The following TRPM6 variants were observed in gnomAD, a reference collection of about 807,000 sequenced individuals.
The protein encoded by TRPM6 is transient receptor potential cation channel subfamily M member 6.
In TRPM6, 111 loss-of-function variants were observed where a neutral mutation model predicts 247.6. The ratio of observed to expected loss-of-function variants is 0.45; its 90% CI spans 0.38 to 0.52. TRPM6 has a LOEUF of 0.52. Among genes scored for constraint, TRPM6 ranks in the 20% least tolerant of loss-of-function variants. TRPM6 has a pLI of 0.00. For synonymous variants in TRPM6, 892 were observed against 853.8 expected (o/e 1.04, Z -0.78); for missense variants, 2,126 against 2,421.5 (o/e 0.88, Z 2.56).
At chr9:74,735,213 A>G (rs974342993) in intron 36 of TRPM6, among the ~76,000 whole-genome samples, 1 of 150,472 alleles carries the variant, frequency 6.6e-6, no homozygotes, top group African/African-American at 2.5e-5. Flanking sequence ...ACACAGTGAG[A>G]CCTTGTCTCA....
chr9:74,820,236 A>G (rs1274309593), intron 9 of TRPM6, 68 bp downstream of exon 9: 1 of 1,552,236 alleles, frequency 6.4e-7, no homozygotes, highest in African/African-American at 1.4e-5. Context: ...AATTGTGAAA[A>G]TAAATATTAC....
intron 31 of TRPM6, 57 bp downstream of exon 31, chr9:74,747,832 C>A (rs1466718745): frequency 2.9e-6 from 4 of 1,388,570 alleles, no homozygotes; most frequent in African/African-American, 1.4e-5. Context: ...GGACAGTGAA[C>A]CTCGCATTAA....
intron 5 of TRPM6, 119 bp downstream of exon 5, chr9:74,839,905 G>GGAGAGAGGGAGGGAGA (rs1554723344): frequency 2.0e-6 from 1 of 492,166 alleles, no homozygotes; most frequent in African/African-American, 3.8e-5. Context: ...AGGGAGGGAG[G>GGAGAGAGGGAGGGAGA]GAGGGAGGGA....
chr9:74,763,871 T>C (rs998242535), intron 25 of TRPM6, among the ~76,000 whole-genome samples: 4 of 152,192 alleles, frequency 2.6e-5, no homozygotes, highest in Non-Finnish European at 4.4e-5. Context: ...ATGTAACAAT[T>C]AGTCCAAGTG....
intron 37 of TRPM6, among the ~76,000 whole-genome samples, chr9:74,732,375 A>G (rs1825548179): frequency 1.3e-5 from 2 of 152,264 alleles, no homozygotes; most frequent in African/African-American, 4.8e-5. Context: ...CACTGCTCTC[A>G]TATCAAAGCC....
rs549791380 is a variant in TRPM6 at position 74,796,731 on chromosome 9, T to C, written c.2391+10A>G. 7.4e-6 allele frequency: 12 copies of C among 1,613,854 alleles called. No individual in the cohort carries two copies. The South Asian group carries it at 1.2e-4, about 16-fold the overall frequency. ...AATGAAAATTCAGTTCATTATGATTTTGCACTAACCACAGAAGCACTTTCT... is the reference window on the plus strand; with the variant it reads ...AATGAAAATTCAGTTCATTATGATTCTGCACTAACCACAGAAGCACTTTCT... On this transcript the variant is annotated intron_variant, in intron 18 of 38. Transcript: ENST00000360774.
At chr9:74,853,265 G>T (rs565764271) in intron 3 of TRPM6, among the ~76,000 whole-genome samples, 1 of 151,092 alleles carries the variant, frequency 6.6e-6, no homozygotes, top group Admixed American at 6.6e-5. Context: ...CAGCCGCCCC[G>T]TCAGGGAAGT....
At chr9:74,776,221 C>A in intron 23 of TRPM6, 145 bp from the exon 24 acceptor site, 2 of 724,528 alleles carry the variant, frequency 2.8e-6, no homozygotes, top group Non-Finnish European at 2.5e-6. Context: ...GTTTACAATT[C>A]TTCTTCCACC....
At position 74,771,750 on chromosome 9, in the gene TRPM6, T is replaced by A; in HGVS notation, c.3489A>T (p.Glu1163Asp). 1 of 1,613,950 alleles carries A rather than the reference T, an allele frequency of 6.2e-7. No homozygotes were observed. The highest frequency in any genetic ancestry group is 1.1e-5 in the South Asian group (1 of 91,074). Residue 1163 changes from glutamate to aspartate, a missense_variant, in exon 25 of 39, where the codon GAA (glutamate) becomes GAT (aspartate). This residue lies in a region of TRPM6 where 717 missense variants were observed against 715.9 expected (regional missense o/e 1.00). Transcript: ENST00000360774. Reference sequence around the variant, plus strand: ...GTTCCTCACAACTACAATTCACATCTTCCATCTTCTCATGGAAGTATTTTT... The same window carrying A: ...GTTCCTCACAACTACAATTCACATCATCCATCTTCTCATGGAAGTATTTTT... The part of the protein sequence containing the change: ...CVEKYFHEKM[E>D]DVNCSCEERI...
In TRPM6 at chr9:74,723,826, A is replaced by G. The variant is rs866350903; in HGVS notation, c.*787T>C. 3.4e-5 allele frequency: 5 copies of G among 145,860 alleles called. No homozygotes were observed. The highest frequency in any genetic ancestry group is 6.0e-5 in the Non-Finnish European group (4 of 66,652). The allele number at this position is 145,860 out of a possible 1,614,324, so 9.0% of individuals were successfully genotyped here. A position where few individuals can be genotyped will look rare whatever the true frequency, so the allele number is the denominator to read the frequency against. ...AATAAAAATATATATATATATATAT[A>G]AAATATATATATTCCATATGTATTT... On this transcript the variant is annotated 3_prime_UTR_variant, in exon 39 of 39. Transcript: ENST00000360774.
In TRPM6 at chr9:74,762,870, G is replaced by T. The variant is rs780240687; in HGVS notation, c.3801C>A (p.Ile1267=). The T allele has an allele frequency of 8.1e-6, 13 of 1,613,700 alleles. No homozygotes were observed. In the East Asian group the frequency reaches 2.0e-4, roughly 25 times the overall value. The stretch of plus-strand genomic sequence containing the variant: ...AATACTGGTATTTCTTCTCTCCAGC[G>T]ATCTCCATGCTGCCTAGAACCTCTG... The part of the protein sequence containing the change: ...ICAEVLGSME[I]AGEKKYQYYS... The change falls in exon 26 of 39, where the codon ATC becomes ATA. Residue 1267 remains isoleucine (I), a synonymous_variant. Transcript: ENST00000360774.
At chr9:74,869,269 G>C (rs771193008) in intron 1 of TRPM6, among the ~76,000 whole-genome samples, 26 of 151,972 alleles carry the variant, frequency 1.7e-4, no homozygotes, top group Admixed American at 7.2e-4. Context: ...AGGAGATCGA[G>C]ACCATCCTGA....
intron 1 of TRPM6, among the ~76,000 whole-genome samples, chr9:74,872,641 T>C (rs1831064304): frequency 6.8e-6 from 1 of 146,282 alleles, no homozygotes; most frequent in Non-Finnish European, 1.5e-5. Context: ...CGCACGTGTG[T>C]ACATGTTTTG....
chr9:74,787,781 T>A (rs1827749163), intron 20 of TRPM6, among the ~76,000 whole-genome samples: 1 of 152,236 alleles, frequency 6.6e-6, no homozygotes, highest in African/African-American at 2.4e-5. Flanking sequence ...AGTGGTGCGA[T>A]CTTGGCTCAC....
intron 18 of TRPM6, among the ~76,000 whole-genome samples, chr9:74,793,811 T>C (rs1238369064): frequency 1.3e-5 from 2 of 152,000 alleles, no homozygotes; most frequent in Non-Finnish European, 2.9e-5. Flanking sequence ...ATTTGTGTTG[T>C]ACATGCATTT....
intron 17 of TRPM6, among the ~76,000 whole-genome samples, chr9:74,798,127 C>T (rs1367726066): frequency 6.6e-6 from 1 of 152,136 alleles, no homozygotes; most frequent in Non-Finnish European, 1.5e-5. Context: ...CTGATATCAA[C>T]TTGATGAACA....
At chr9:74,780,437 A>C (rs1827396118) in intron 23 of TRPM6, among the ~76,000 whole-genome samples, 1 of 151,714 alleles carries the variant, frequency 6.6e-6, no homozygotes, top group Admixed American at 6.6e-5. Context: ...CTGGGTGACA[A>C]AAGTGAAACT....
Position 74,762,955 on chromosome 9 carries a change from G to A in TRPM6, c.3716C>T (p.Ala1239Val). 6.2e-7 allele frequency: 1 copy of A among 1,608,146 alleles called. No homozygotes were observed. Among genetic ancestry groups the A allele is most frequent in the South Asian group, 1.1e-5 (1 of 90,726 alleles). The change falls in exon 26 of 39, where the codon GCC (alanine) becomes GTC (valine). Residue 1239 changes from alanine to valine, a missense_variant. Transcript: ENST00000360774. ...DTLQEDEALL[A>V]KRKHSTCKKL... ...TTTGCAAGTAGAATGCTTTCTCTTG[G>A]CCAGGAGAGCCTCATCCTCTTGCAA...
chr9:74,761,042 G>A (rs1465809327), intron 27 of TRPM6, among the ~76,000 whole-genome samples: 1 of 152,162 alleles, frequency 6.6e-6, no homozygotes, highest in African/African-American at 2.4e-5. Flanking sequence ...CTCCAGAACT[G>A]TAAGAAATAA....
Sources: gnomAD v4.1 joint callset for allele counts (sites outside exome capture counted in the v4.1 genomes callset) on GRCh38, gnomAD v4.1.1 for gene constraint, gnomAD v4.1.1 regional missense constraint, MANE v1.5 for transcripts, NCBI Gene and HGNC (gene_info 2026-07-23, HGNC 2026-07-21) for gene names.